The following SLCO5A1 variants were observed in gnomAD, a reference collection of about 807,000 sequenced individuals.
SLCO5A1 encodes solute carrier organic anion transporter family member 5A1, also known as organic anion transporter polypeptide-related protein 4.
In SLCO5A1, 39 loss-of-function variants were observed where a neutral mutation model predicts 65.1. That is an observed-to-expected ratio of 0.60 (90% confidence interval 0.46 to 0.78). The LOEUF (loss-of-function observed/expected upper bound fraction) is 0.78. SLCO5A1 is among the 30% of genes least tolerant of loss of function. The pLI is 0.00. For synonymous variants in SLCO5A1, 438 were observed against 415.7 expected, an observed-to-expected ratio of 1.05 and a Z score of -0.65; for missense variants, 1,029 against 1,069.4, an observed-to-expected ratio of 0.96 and a Z score of 0.53.
chr8:69,797,514 C>G (rs1456214098), intron 2 of SLCO5A1, among the ~76,000 whole-genome samples: 3 of 152,248 alleles, frequency 2.0e-5, no homozygotes, highest in Non-Finnish European at 4.4e-5. Context: ...TATATCTCTT[C>G]TTTCAAAAGC....
chr8:69,739,932 T>C (rs147185310), intron 4 of SLCO5A1, among the ~76,000 whole-genome samples: 1 of 152,202 alleles, frequency 6.6e-6, no homozygotes, highest in Non-Finnish European at 1.5e-5. Flanking sequence ...ATGTGTTGAC[T>C]CTAAAACATC....
chr8:69,771,435 G>C (rs1427329410), intron 2 of SLCO5A1, among the ~76,000 whole-genome samples: 1 of 152,074 alleles, frequency 6.6e-6, no homozygotes, highest in South Asian at 2.1e-4. Flanking sequence ...AGTGCTGTTT[G>C]TATTAGGCTA....
At chr8:69,738,998 C>T (rs968356443) in intron 4 of SLCO5A1, among the ~76,000 whole-genome samples, 11 of 152,090 alleles carry the variant, frequency 7.2e-5, no homozygotes, top group African/African-American at 2.7e-4. Context: ...ACATTTCCAT[C>T]AGTGGGAAAT....
At chr8:69,807,938 G>A (rs1468750236) in intron 2 of SLCO5A1, among the ~76,000 whole-genome samples, 1 of 151,840 alleles carries the variant, frequency 6.6e-6, no homozygotes, top group African/African-American at 2.4e-5. Flanking sequence ...CTCCTGACCT[G>A]GTGATCCGCC....
At chr8:69,722,467 A>G (rs1286400498) in intron 5 of SLCO5A1, among the ~76,000 whole-genome samples, 3 of 152,248 alleles carry the variant, frequency 2.0e-5, no homozygotes, top group Admixed American at 2.0e-4. Context: ...TACACTTAAT[A>G]TTATTTAATC....
intron 2 of SLCO5A1, among the ~76,000 whole-genome samples, chr8:69,824,714 A>G (rs1451281213): frequency 1.3e-5 from 2 of 152,216 alleles, no homozygotes; most frequent in African/African-American, 4.8e-5. Flanking sequence ...AGGAACTGGT[A>G]CCATTCCTTC....
chr8:69,704,800 A>G, intron 6 of SLCO5A1: 4 of 525,824 alleles, frequency 7.6e-6, no homozygotes, highest in Non-Finnish European at 1.4e-5. Context: ...TGATGTAATT[A>G]AAATGCTATG....
chr8:69,772,932 G>C, intron 2 of SLCO5A1: 2 of 985,360 alleles, frequency 2.0e-6, no homozygotes, highest in African/African-American at 1.7e-5. Flanking sequence ...ATGATCCAAG[G>C]TTCAGTGAGT....
At chr8:69,679,705 AC>A in intron 7 of SLCO5A1, 86 bp from the exon 8 acceptor site, 1 of 1,521,168 alleles carries the variant, frequency 6.6e-7, no homozygotes, top group Non-Finnish European at 8.9e-7. Flanking sequence ...AAGTAAAAGT[AC>A]TCTAAAATAG....
chr8:69,817,206 T>C (rs901911078), intron 2 of SLCO5A1, among the ~76,000 whole-genome samples: 9 of 152,236 alleles, frequency 5.9e-5, no homozygotes, highest in African/African-American at 1.9e-4. Flanking sequence ...ACTTTTTGTT[T>C]CTATGAATTT....
In SLCO5A1 at chr8:69,693,020, T is replaced by C. The variant is rs1409978430; in HGVS notation, c.1623-10677A>G. Among the ~76,000 whole-genome samples the C allele has an allele frequency of 1.3e-5, 2 of 152,234 alleles. 1 individual carries two copies. Among genetic ancestry groups the C allele is most frequent in the Non-Finnish European group, 2.9e-5 (2 of 68,044 alleles). On this transcript the variant is annotated intron_variant, in intron 6 of 9. Coordinates refer to ENST00000260126, the MANE Select transcript of SLCO5A1 (RefSeq NM_030958.3). Reference sequence around the variant, plus strand: ...AAGGACTGCCAGCACAGTAGGTTTCTTTACACCAGCATCACTCCAAACTCA... The same window carrying C: ...AAGGACTGCCAGCACAGTAGGTTTCCTTACACCAGCATCACTCCAAACTCA...
At chr8:69,699,331 C>T (rs149474985) in intron 6 of SLCO5A1, among the ~76,000 whole-genome samples, 3 of 152,234 alleles carry the variant, frequency 2.0e-5, no homozygotes, top group Admixed American at 6.5e-5. Flanking sequence ...GACCCAGGCC[C>T]GTTCCCCCAA....
In SLCO5A1 at chr8:69,764,129, C is replaced by T. The variant is rs193203460; in HGVS notation, c.908-2254G>A. 5.1e-3 allele frequency among the ~76,000 whole-genome samples: 778 copies of T among 152,278 alleles called. 7 individuals are homozygous for T. Among genetic ancestry groups the T allele is most frequent in the South Asian group, 0.014 (70 of 4,828 alleles). ...CCACCCACTTCGGCCTCCCAAAGTG[C>T]TGAGATTACAGACGTGAGTCACCAC... On this transcript the variant is annotated intron_variant, in intron 2 of 9. Coordinates refer to ENST00000260126, the MANE Select transcript of SLCO5A1 (RefSeq NM_030958.3).
chr8:69,834,232 G>A (rs1360796421), intron 1 of SLCO5A1: 4 of 152,798 alleles, frequency 2.6e-5, no homozygotes, highest in African/African-American at 9.7e-5. Flanking sequence ...TAATCTTGGG[G>A]ACCCCCACTC....
intron 5 of SLCO5A1, among the ~76,000 whole-genome samples, chr8:69,727,962 G>A (rs928213097): frequency 5.3e-5 from 8 of 152,128 alleles, no homozygotes; most frequent in Non-Finnish European, 7.3e-5. Context: ...CAAGTATAAT[G>A]TATTAGAAAA....
intron 2 of SLCO5A1, among the ~76,000 whole-genome samples, chr8:69,808,089 T>G (rs985147629): frequency 3.1e-5 from 3 of 95,502 alleles, no homozygotes; most frequent in Admixed American, 8.7e-5. Context: ...CATCCATTGA[T>G]GAACACTTAG....
At chr8:69,674,486 A>C (rs75128602) in intron 9 of SLCO5A1, among the ~76,000 whole-genome samples, 1 of 152,068 alleles carries the variant, frequency 6.6e-6, no homozygotes, top group Non-Finnish European at 1.5e-5. Context: ...AAGTTTTTAA[A>C]ACTCTTTTTC....
At chr8:69,714,226 C>T (rs2933041) in intron 5 of SLCO5A1, among the ~76,000 whole-genome samples, 27,632 of 152,126 alleles carry the variant, frequency 0.18, 2,573 homozygotes, top group South Asian at 0.2. Flanking sequence ...TTTCTTTGAA[C>T]TCAGTGGCTG....
At chr8:69,795,774 G>C (rs1301532452) in intron 2 of SLCO5A1, among the ~76,000 whole-genome samples, 1 of 152,202 alleles carries the variant, frequency 6.6e-6, no homozygotes, top group Non-Finnish European at 1.5e-5. Flanking sequence ...CACTGCCCTA[G>C]TAAATGGTCT....
Sources: gnomAD v4.1 joint callset for allele counts (sites outside exome capture counted in the v4.1 genomes callset) on GRCh38, gnomAD v4.1.1 for gene constraint, MANE v1.5 for transcripts, NCBI Gene and HGNC (gene_info 2026-07-23, HGNC 2026-07-21) for gene names.